MORC1: variants seen among roughly 807,000 people sequenced by gnomAD.
MORC1 encodes MORC family CW-type zinc finger protein 1.
A neutral mutation model predicts 134.9 loss-of-function variants in MORC1; 59 were observed. That is an observed-to-expected ratio of 0.44 (90% confidence interval 0.35 to 0.54). The LOEUF is 0.54. Ranked by LOEUF, MORC1 falls within the 20% of genes least tolerant of loss-of-function variation. The probability of loss-of-function intolerance (pLI) is 0.00; values close to 1 mark genes in which losing one functional copy is unlikely to be tolerated. For missense variants in MORC1, 947 were observed against 1,134.5 expected (o/e 0.83, Z 2.37); for synonymous variants, 395 against 391.7 (o/e 1.01, Z -0.10).
chr3:108,997,507 C>G (rs927994060), intron 21 of MORC1, among the ~76,000 whole-genome samples: 10 of 151,618 alleles, frequency 6.6e-5, no homozygotes, highest in African/African-American at 2.2e-4. Flanking sequence ...GACTCTGTCT[C>G]AAAAAAATTT....
At chr3:109,030,377 C>A (rs1432140985) in intron 16 of MORC1, among the ~76,000 whole-genome samples, 1 of 152,156 alleles carries the variant, frequency 6.6e-6, no homozygotes, top group African/African-American at 2.4e-5. Flanking sequence ...AAGAACTGAG[C>A]AAGGTCATCA....
chr3:109,010,123 C>A (rs1341202291), intron 17 of MORC1, among the ~76,000 whole-genome samples: 1 of 152,042 alleles, frequency 6.6e-6, no homozygotes, highest in Non-Finnish European at 1.5e-5. Flanking sequence ...GTTGTGTATT[C>A]TTTTCTCTCT....
chr3:109,054,066 G>T lies in MORC1; in HGVS notation c.1330+662C>A, dbSNP rs146773582. 5.1e-3 allele frequency among the ~76,000 whole-genome samples: 780 copies of T among 151,906 alleles called. 18 individuals are homozygous for T. Among genetic ancestry groups the T allele is most frequent in the African/African-American group, 0.018 (749 of 41,430 alleles). ...TGGGAGGCCGAGGAGGGTGGATCAC[G>T]AGGTCAGGAGTTCAAGACCAGCCTG... On this transcript the variant is annotated intron_variant, in intron 14 of 27. Coordinates refer to ENST00000232603, the MANE Select transcript of MORC1 (RefSeq NM_014429.4).
chr3:109,020,357 T>C (rs951616795), intron 17 of MORC1, among the ~76,000 whole-genome samples: 1 of 152,174 alleles, frequency 6.6e-6, no homozygotes, highest in Non-Finnish European at 1.5e-5. Context: ...CAGGACTCAA[T>C]GCAAATCCCT....
At chr3:108,990,821 G>A (rs1258581446) in intron 21 of MORC1, among the ~76,000 whole-genome samples, 6 of 152,066 alleles carry the variant, frequency 3.9e-5, no homozygotes, top group Non-Finnish European at 7.4e-5. Context: ...GCTGACAGTG[G>A]TGATGGGGGT....
intron 3 of MORC1, among the ~76,000 whole-genome samples, chr3:109,109,028 CACTT>C (rs1951100738): frequency 6.6e-6 from 1 of 152,126 alleles, no homozygotes; most frequent in African/African-American, 2.4e-5. Flanking sequence ...TTGGTTCTGA[CACTT>C]AGTGCGAGTC....
intron 27 of MORC1, among the ~76,000 whole-genome samples, chr3:108,961,869 C>A (rs897699447): frequency 1.7e-4 from 26 of 152,136 alleles, no homozygotes; most frequent in African/African-American, 6.3e-4. Context: ...ATTATGAAAG[C>A]CAATTATTTT....
At chr3:109,076,272 A>G (rs2107722938) in intron 8 of MORC1, among the ~76,000 whole-genome samples, 1 of 152,340 alleles carries the variant, frequency 6.6e-6, no homozygotes, top group African/African-American at 2.4e-5. Flanking sequence ...AATCAAAACC[A>G]CAAAGAGATA....
intron 8 of MORC1, among the ~76,000 whole-genome samples, chr3:109,075,106 C>A (rs1405297229): frequency 6.6e-6 from 1 of 152,110 alleles, no homozygotes; most frequent in Non-Finnish European, 1.5e-5. Context: ...CGTCACTGTA[C>A]AAAATAAGTC....
At chr3:109,008,561 T>C (rs921970579) in intron 17 of MORC1, among the ~76,000 whole-genome samples, 2 of 151,954 alleles carry the variant, frequency 1.3e-5, no homozygotes, top group Admixed American at 1.3e-4. Flanking sequence ...GTCTCTTTTT[T>C]CATGTATCAC....
chr3:108,985,396 C>A (rs1327024138), intron 22 of MORC1, among the ~76,000 whole-genome samples: 2 of 152,180 alleles, frequency 1.3e-5, no homozygotes, highest in Admixed American at 6.6e-5. Flanking sequence ...ATGTGTCCTT[C>A]TTCCATGTAG....
At chr3:109,111,050 T>TAAAAAAAAAA (rs11344763) in intron 2 of MORC1, among the ~76,000 whole-genome samples, 2 of 113,852 alleles carry the variant, frequency 1.8e-5, no homozygotes, top group Non-Finnish European at 3.7e-5. Flanking sequence ...GGATATAATT[T>TAAAAAAAAAA]AAAAAAAAAA....
intron 21 of MORC1, among the ~76,000 whole-genome samples, chr3:108,987,583 AGAGAGAGGATG>A (rs1027940235): frequency 2.6e-5 from 4 of 151,926 alleles, no homozygotes; most frequent in African/African-American, 9.7e-5. Flanking sequence ...TGGCACCTGG[AGAGAGAGGATG>A]GATATGTGCT....
chr3:109,040,458 AAG>A lies in MORC1; in HGVS notation c.1331-4992_1331-4991del, dbSNP rs1949503008. Among the ~76,000 whole-genome samples the A allele has an allele frequency of 2.0e-5, 3 of 148,580 alleles. 1 individual carries two copies. The highest frequency in any genetic ancestry group is 7.4e-5 in the African/African-American group (3 of 40,368). On this transcript the variant is annotated intron_variant, in intron 14 of 27. Transcript: ENST00000232603. ...AAAGAAAGAAAGAAAGAAAGAAAGAAAGAAAGAAAGAAAGAAAGAAAGAAAGA... is the reference window on the plus strand; with the variant it reads ...AAAGAAAGAAAGAAAGAAAGAAAGAAAAAGAAAGAAAGAAAGAAAGAAAGA...
rs945774825 is a variant in MORC1 at position 109,114,256 on chromosome 3, T to C, written c.119+128A>G. 2.3e-5 allele frequency: 17 copies of C among 740,064 alleles called. No homozygotes were observed. In the Middle Eastern group the frequency reaches 1.2e-3, roughly 54 times the overall value. 45.8% of individuals were successfully genotyped at this position (740,064 alleles called of 1,614,324 possible). ...TTTTTCCTAGAACACCTTGATTTTA[T>C]AGGAAATCAAGTCACAAAACATTCC... On this transcript the variant is annotated intron_variant, in intron 2 of 27. Transcript: ENST00000232603.
chr3:108,997,179 C>G (rs1948257436), intron 21 of MORC1, among the ~76,000 whole-genome samples: 1 of 151,966 alleles, frequency 6.6e-6, no homozygotes, highest in Non-Finnish European at 1.5e-5. Flanking sequence ...TAGAAATGAT[C>G]AGAAAATAAG....
At chr3:108,959,987 C>T (rs1947037711) in intron 27 of MORC1, among the ~76,000 whole-genome samples, 1 of 152,014 alleles carries the variant, frequency 6.6e-6, no homozygotes, top group Non-Finnish European at 1.5e-5. Context: ...AATGGAGAGC[C>T]TATAACAGAG....
intron 8 of MORC1, among the ~76,000 whole-genome samples, chr3:109,077,030 A>T (rs1950437254): frequency 6.6e-6 from 1 of 152,138 alleles, no homozygotes; most frequent in African/African-American, 2.4e-5. Flanking sequence ...GGAAAAAAAT[A>T]AGTAATTTAC....
chr3:109,054,792 C>G lies in MORC1; in HGVS notation c.1266G>C (p.Glu422Asp). ...CCATGACTTTTAGTAGATGATTATA[C>G]TCTTGGACATTGAGAAATTCCTGTT... ...HNKQEFLNVQ[E>D]YNHLLKVMGQ... The change falls in exon 14 of 28, where the codon GAG (glutamate) becomes GAC (aspartate). Residue 422 changes from glutamate to aspartate, a missense_variant. Coordinates refer to ENST00000232603, the MANE Select transcript of MORC1 (RefSeq NM_014429.4). 1.2e-5 allele frequency: 20 copies of G among 1,605,702 alleles called. No homozygotes were observed. The highest frequency in any genetic ancestry group is 1.7e-5 in the Non-Finnish European group (20 of 1,178,104).
Sources: gnomAD v4.1 joint callset for allele counts (sites outside exome capture counted in the v4.1 genomes callset) on GRCh38, gnomAD v4.1.1 for gene constraint, MANE v1.5 for transcripts, NCBI Gene and HGNC (gene_info 2026-07-23, HGNC 2026-07-21) for gene names.